Variants in COMMD1 observed in about 807,000 individuals in gnomAD.
The protein encoded by COMMD1 is copper metabolism domain containing 1.
In COMMD1, 10 loss-of-function variants were observed where a neutral mutation model predicts 17.2. That is an observed-to-expected ratio of 0.58 (90% CI 0.36 to 0.99). The LOEUF (loss-of-function observed/expected upper bound fraction) is 0.99, where lower values mean the gene tolerates loss of function less well. COMMD1 is among the 50% of genes least tolerant of loss of function. The pLI is 0.01. For synonymous variants in COMMD1, 97 were observed against 91.6 expected, an observed-to-expected ratio of 1.06 and a Z score of -0.34; for missense variants, 270 against 231.8, an observed-to-expected ratio of 1.17 and a Z score of -1.07.
chr2:62,041,264 A>G (rs1427607408), intron 2 of COMMD1, among the ~76,000 whole-genome samples: 1 of 152,232 alleles, frequency 6.6e-6, no homozygotes, highest in Non-Finnish European at 1.5e-5. Flanking sequence ...TCTCTAGATT[A>G]AAAATCATGA....
chr2:61,981,104 C>G (rs1671942654), intron 1 of COMMD1, among the ~76,000 whole-genome samples: 1 of 152,052 alleles, frequency 6.6e-6, no homozygotes, highest in Non-Finnish European at 1.5e-5. Context: ...TGTGGATTGT[C>G]TCTTCCCTTT....
At chr2:62,026,999 T>C (rs1409949911) in intron 2 of COMMD1, among the ~76,000 whole-genome samples, 2 of 152,232 alleles carry the variant, frequency 1.3e-5, no homozygotes, top group Non-Finnish European at 2.9e-5. Context: ...CTTATTTTGA[T>C]ACCACCTGGT....
chr2:62,135,668 AG>A (rs1272181656), intron 2 of COMMD1, among the ~76,000 whole-genome samples, 162 bp from the exon 3 acceptor site: 1 of 152,186 alleles, frequency 6.6e-6, no homozygotes, highest in Non-Finnish European at 1.5e-5. Flanking sequence ...ACTTTTATTT[AG>A]GGCATTATGT....
rs1670161778 is a variant in COMMD1, at chr2:62,040,601, T to C, written c.462+39619T>C. ...ATTAAGGTTGGAGTTCTTGGAATTA[T>C]ATATCACCAAGATCAATTTGCCTTG... On this transcript the variant is annotated intron_variant, in intron 2 of 2. Coordinates refer to ENST00000311832, the MANE Select transcript of COMMD1 (RefSeq NM_152516.4). Among the ~76,000 whole-genome samples the C allele has an allele frequency of 2.0e-5, 3 of 152,328 alleles. No homozygotes were observed. In the South Asian group the frequency reaches 6.2e-4, roughly 32 times the overall value.
At chr2:62,067,820 C>G (rs1671096149) in intron 2 of COMMD1, among the ~76,000 whole-genome samples, 1 of 151,014 alleles carries the variant, frequency 6.6e-6, no homozygotes, top group Non-Finnish European at 1.5e-5. Context: ...GATCAGAGAC[C>G]TTTCTGCTTC....
At chr2:61,949,915 T>G (rs942680372) in intron 1 of COMMD1, among the ~76,000 whole-genome samples, 1 of 152,196 alleles carries the variant, frequency 6.6e-6, no homozygotes, top group African/African-American at 2.4e-5. Context: ...ATAGACCCAC[T>G]GGCAGGTAGA....
At chr2:62,029,816 C>A (rs1482301663) in intron 2 of COMMD1, among the ~76,000 whole-genome samples, 1 of 152,188 alleles carries the variant, frequency 6.6e-6, no homozygotes, top group Non-Finnish European at 1.5e-5. Context: ...GAAGACTGTC[C>A]TGTGCCTTGC....
chr2:61,921,768 G>T (rs946324646), intron 1 of COMMD1, among the ~76,000 whole-genome samples: 2 of 152,134 alleles, frequency 1.3e-5, no homozygotes, highest in Non-Finnish European at 2.9e-5. Context: ...TTGGGGGAAT[G>T]GTGATTGATA....
intron 2 of COMMD1, among the ~76,000 whole-genome samples, chr2:62,003,640 AC>A (rs1375874210): frequency 6.7e-6 from 1 of 148,458 alleles, no homozygotes; most frequent in African/African-American, 2.6e-5. Flanking sequence ...ACACACACAC[AC>A]CCAACAGATT....
chr2:62,125,710 T>TA (rs1672868189), intron 2 of COMMD1, among the ~76,000 whole-genome samples: 1 of 152,210 alleles, frequency 6.6e-6, no homozygotes, highest in Admixed American at 6.5e-5. Flanking sequence ...GAACAGGTTA[T>TA]AGCAACAAGG....
At chr2:62,054,890 G>C (rs1223271720) in intron 2 of COMMD1, among the ~76,000 whole-genome samples, 2 of 152,146 alleles carry the variant, frequency 1.3e-5, no homozygotes, top group Non-Finnish European at 2.9e-5. Context: ...TAGCTCATAG[G>C]AGCACAAACC....
intron 2 of COMMD1, among the ~76,000 whole-genome samples, chr2:62,109,404 C>T (rs1026150204): frequency 2.0e-5 from 3 of 152,154 alleles, no homozygotes; most frequent in Admixed American, 6.5e-5. Context: ...AATGTAGCTA[C>T]GCCCATCTCT....
intron 1 of COMMD1, among the ~76,000 whole-genome samples, chr2:61,991,900 T>C (rs1467329511): frequency 1.3e-5 from 2 of 152,184 alleles, no homozygotes; most frequent in African/African-American, 4.8e-5. Context: ...TTTCTTTTTT[T>C]GTAGTAAATA....
chr2:61,900,230 A>G (rs1669630369), intron 1 of COMMD1, among the ~76,000 whole-genome samples: 1 of 152,236 alleles, frequency 6.6e-6, no homozygotes, highest in Non-Finnish European at 1.5e-5. Flanking sequence ...CAAAGATGTA[A>G]GTCAACACAT....
intron 2 of COMMD1, among the ~76,000 whole-genome samples, chr2:62,129,895 G>A (rs1172511412): frequency 6.6e-6 from 1 of 152,214 alleles, no homozygotes; most frequent in East Asian, 1.9e-4. Flanking sequence ...GTCCCTTTGA[G>A]CCGGGCGCCG....
chr2:62,046,622 T>C (rs1024319206), intron 2 of COMMD1, among the ~76,000 whole-genome samples: 11 of 152,376 alleles, frequency 7.2e-5, no homozygotes, highest in Admixed American at 2.6e-4. Flanking sequence ...TGAATCCTTA[T>C]GCCTACTATA....
chr2:61,918,559 C>A (rs1670106283), intron 1 of COMMD1: 1 of 152,098 alleles, frequency 6.6e-6, no homozygotes, highest in Admixed American at 6.6e-5. Flanking sequence ...TTTTGGTTTT[C>A]CTTTTCTCAA....
chr2:62,063,871 A>ATATATATATG (rs1336758763), intron 2 of COMMD1, among the ~76,000 whole-genome samples: 4 of 46,508 alleles, frequency 8.6e-5, no homozygotes, highest in Non-Finnish European at 1.1e-4. Flanking sequence ...TCTACAAAAT[A>ATATATATATG]TATATATATA....
intron 2 of COMMD1, among the ~76,000 whole-genome samples, chr2:62,028,156 A>G (rs72803319): frequency 0.016 from 2,504 of 152,306 alleles, 44 homozygotes; most frequent in Middle Eastern, 0.027. Context: ...TCTGCTACCC[A>G]GCTGACTTCA....
Sources: gnomAD v4.1 joint callset for allele counts (sites outside exome capture counted in the v4.1 genomes callset) on GRCh38, gnomAD v4.1.1 for gene constraint, MANE v1.5 for transcripts, NCBI Gene and HGNC (gene_info 2026-07-23, HGNC 2026-07-21) for gene names.